The following PTPRM variants were observed in gnomAD, a reference collection of about 807,000 sequenced individuals.
PTPRM encodes protein tyrosine phosphatase receptor type M, also known as receptor-type tyrosine-protein phosphatase mu.
In PTPRM, 47 loss-of-function variants were observed where a neutral mutation model predicts 186.7. The observed-to-expected ratio is 0.25, with a 90% CI of 0.20 to 0.32. PTPRM has a LOEUF of 0.32. PTPRM is among the 10% of genes least tolerant of loss of function. The probability of loss-of-function intolerance (pLI) is 1.00; values close to 1 mark genes in which losing one functional copy is unlikely to be tolerated. For missense variants in PTPRM, 1,494 were observed against 1,865.0 expected (o/e 0.80, Z 3.66); for synonymous variants, 668 against 674.9 (o/e 0.99, Z 0.16).
intron 7 of PTPRM, among the ~76,000 whole-genome samples, chr18:8,054,268 A>G (rs2087728690): frequency 7.1e-6 from 1 of 140,534 alleles, no homozygotes; most frequent in Non-Finnish European, 1.5e-5. Flanking sequence ...TTACTAGTAT[A>G]TACTAGTAGT....
At chr18:8,157,611 A>G (rs1313873746) in intron 14 of PTPRM, among the ~76,000 whole-genome samples, 2 of 152,228 alleles carry the variant, frequency 1.3e-5, no homozygotes. Context: ...AAGTAAAATC[A>G]TTCTTCAGCC....
intron 2 of PTPRM, among the ~76,000 whole-genome samples, chr18:7,840,516 A>G (rs2046271614): frequency 1.3e-5 from 2 of 152,174 alleles, no homozygotes; most frequent in South Asian, 4.1e-4. Context: ...CTGACAGTGT[A>G]ACTTTCCTGA....
At chr18:7,842,930 G>GTGTGTGTGTATATA (rs377182615) in intron 2 of PTPRM, among the ~76,000 whole-genome samples, 13 of 100,930 alleles carry the variant, frequency 1.3e-4, no homozygotes, top group African/African-American at 6.4e-4. Flanking sequence ...GTGTGTGTGT[G>GTGTGTGTGTATATA]TATATATATA....
intron 1 of PTPRM, among the ~76,000 whole-genome samples, chr18:7,754,526 C>G (rs886239181): frequency 1.3e-5 from 2 of 152,204 alleles, no homozygotes; most frequent in Admixed American, 1.3e-4. Flanking sequence ...TTCATTGTCT[C>G]TCAGTATTGA....
In PTPRM at chr18:8,085,890, G is replaced by C. The variant is rs2145273665; in HGVS notation, c.1753+18G>C. 1 of 1,605,454 alleles carries C rather than the reference G, an allele frequency of 6.2e-7. No individual in the cohort carries two copies. The highest frequency in any genetic ancestry group is 1.1e-5 in the South Asian group (1 of 90,894). On this transcript the variant is annotated intron_variant, in intron 10 of 32. Coordinates refer to ENST00000580170, the MANE Select transcript of PTPRM (RefSeq NM_001105244.2). ...AATATCAGGTACTCTACATTCGTGA[G>C]TTGTGTCTTTTATCAGAAGTAACAT...
chr18:8,393,694 G>A (rs975659543), intron 31 of PTPRM, among the ~76,000 whole-genome samples: 1 of 152,214 alleles, frequency 6.6e-6, no homozygotes, highest in Non-Finnish European at 1.5e-5. Context: ...TTACATTTCT[G>A]CACATCTAAC....
chr18:7,916,791 A>G (rs761334336), intron 4 of PTPRM, among the ~76,000 whole-genome samples: 2 of 152,294 alleles, frequency 1.3e-5, no homozygotes, highest in Non-Finnish European at 2.9e-5. Flanking sequence ...TGTGCTGGGA[A>G]CATTCCATAT....
chr18:8,291,533 A>G (rs1238951094), intron 19 of PTPRM, among the ~76,000 whole-genome samples: 4 of 152,200 alleles, frequency 2.6e-5, no homozygotes, highest in Non-Finnish European at 5.9e-5. Context: ...TTCAGAGTAG[A>G]ATTCTTCTTA....
intron 20 of PTPRM, among the ~76,000 whole-genome samples, chr18:8,310,393 C>G (rs551221987): frequency 6.6e-6 from 1 of 150,768 alleles, no homozygotes; most frequent in Non-Finnish European, 1.5e-5. Flanking sequence ...AATGACCTGG[C>G]CTTCCCTCCT....
intron 1 of PTPRM, chr18:7,755,062 G>T (rs1450264062): frequency 6.6e-6 from 1 of 152,144 alleles, no homozygotes; most frequent in Non-Finnish European, 1.5e-5. Context: ...TGACCCTTCG[G>T]TGAAACTCTC....
intron 19 of PTPRM, among the ~76,000 whole-genome samples, chr18:8,286,525 A>C (rs187194621): frequency 6.6e-6 from 1 of 152,352 alleles, no homozygotes; most frequent in African/African-American, 2.4e-5. Context: ...GCTGACTGCC[A>C]AGGCTTCCCT....
intron 1 of PTPRM, among the ~76,000 whole-genome samples, chr18:7,616,955 T>G (rs1053325103): frequency 6.6e-5 from 10 of 152,144 alleles, no homozygotes; most frequent in African/African-American, 2.4e-4. Context: ...TAGTCGAGGT[T>G]GTTCTCACTG....
intron 4 of PTPRM, among the ~76,000 whole-genome samples, chr18:7,908,306 A>G (rs2050097725): frequency 6.6e-6 from 1 of 152,222 alleles, no homozygotes; most frequent in Non-Finnish European, 1.5e-5. Flanking sequence ...GATCTCTGGC[A>G]TTAAAGAGAA....
intron 2 of PTPRM, among the ~76,000 whole-genome samples, chr18:7,866,932 C>T (rs2047734578): frequency 6.6e-6 from 1 of 152,190 alleles, no homozygotes; most frequent in Non-Finnish European, 1.5e-5. Flanking sequence ...ATCCCTTTAT[C>T]ATTATGTAAT....
intron 14 of PTPRM, among the ~76,000 whole-genome samples, chr18:8,194,422 G>A (rs1225501557): frequency 6.6e-6 from 1 of 152,226 alleles, no homozygotes; most frequent in East Asian, 1.9e-4. Flanking sequence ...CATTAAAACA[G>A]TGTCACTAGA....
intron 15 of PTPRM, among the ~76,000 whole-genome samples, chr18:8,247,607 G>A (rs2094489622): frequency 1.3e-5 from 2 of 152,152 alleles, no homozygotes; most frequent in Non-Finnish European, 1.5e-5. Context: ...GTGGTTGTGG[G>A]CTTTCTCTTT....
rs73383878 is a variant in PTPRM at position 8,003,899 on chromosome 18, G to A, written c.1132+48485G>A. ...TAGGGAAGAAGGAAGATAAATATTC[G>A]CTTTCCTTTTCTTGGCCATAGAAGC... On this transcript the variant is annotated intron_variant, in intron 7 of 32. Coordinates refer to ENST00000580170, the MANE Select transcript of PTPRM (RefSeq NM_001105244.2). Among the ~76,000 whole-genome samples, 879 of 152,236 alleles carry A rather than the reference G, an allele frequency of 5.8e-3. 12 individuals carry two copies. Among genetic ancestry groups the A allele is most frequent in the African/African-American group, 0.02 (840 of 41,534 alleles).
At chr18:7,666,507 A>G (rs2039099074) in intron 1 of PTPRM, among the ~76,000 whole-genome samples, 1 of 152,166 alleles carries the variant, frequency 6.6e-6, no homozygotes, top group Non-Finnish European at 1.5e-5. Flanking sequence ...TTTAATAGAA[A>G]GACACCAGCG....
At chr18:7,960,873 G>A (rs1357496388) in intron 7 of PTPRM, among the ~76,000 whole-genome samples, 1 of 152,008 alleles carries the variant, frequency 6.6e-6, no homozygotes, top group Admixed American at 6.6e-5. Context: ...AGAGAGGTAG[G>A]AGATGATATT....
Sources: allele counts gnomAD v4.1 joint callset (sites outside exome capture counted in the v4.1 genomes callset), GRCh38; gene constraint gnomAD v4.1.1; transcripts MANE v1.5; gene names NCBI Gene and HGNC (gene_info 2026-07-23, HGNC 2026-07-21).